Variants in PTN observed in about 807,000 individuals in gnomAD.
The protein encoded by PTN is pleiotrophin.
Under a neutral mutation model 24.1 loss-of-function variants are expected in PTN, and 18 were observed. That is an observed-to-expected ratio of 0.75 (90% CI 0.52 to 1.11). The LOEUF (loss-of-function observed/expected upper bound fraction) is 1.11. Among genes scored for constraint, PTN ranks in the 50% least tolerant of loss-of-function variants. The pLI is 0.00. For missense variants in PTN, 163 were observed against 198.8 expected (o/e 0.82, Z 1.08); for synonymous variants, 78 against 68.6 (o/e 1.14, Z -0.67).
intron 1 of PTN, among the ~76,000 whole-genome samples, chr7:137,256,288 T>C (rs923886944): frequency 1.3e-5 from 2 of 152,186 alleles, no homozygotes; most frequent in African/African-American, 4.8e-5. Context: ...GCTGCACTTA[T>C]TGACTGGTCC....
chr7:137,284,019 T>C (rs937026753), intron 1 of PTN, among the ~76,000 whole-genome samples: 5 of 123,706 alleles, frequency 4.0e-5, no homozygotes, highest in Admixed American at 1.1e-4. Context: ...CAGGCTGGAG[T>C]GCAGTGGCGA....
intron 4 of PTN, among the ~76,000 whole-genome samples, chr7:137,240,398 C>G (rs1001446738): frequency 6.6e-6 from 1 of 152,204 alleles, no homozygotes; most frequent in African/African-American, 2.4e-5. Flanking sequence ...ATTTGCCACT[C>G]TATGTGGTAC....
chr7:137,333,990 T>G (rs567439067), intron 1 of PTN, among the ~76,000 whole-genome samples: 3 of 152,198 alleles, frequency 2.0e-5, no homozygotes. Flanking sequence ...GCTAGCCATA[T>G]GTAGAAAGCT....
intron 1 of PTN, among the ~76,000 whole-genome samples, chr7:137,304,655 G>GA (rs1452666899): frequency 5.3e-5 from 8 of 152,048 alleles, no homozygotes; most frequent in South Asian, 4.2e-4. Flanking sequence ...CTCAGAAGAT[G>GA]AAAAGCAGCA....
chr7:137,311,237 A>G (rs999293612), intron 1 of PTN, among the ~76,000 whole-genome samples: 10 of 151,506 alleles, frequency 6.6e-5, no homozygotes, highest in African/African-American at 2.2e-4. Flanking sequence ...ATTTCAAAAA[A>G]AAAAAAAAAA....
At chr7:137,317,126 A>T (rs920215119) in intron 1 of PTN, among the ~76,000 whole-genome samples, 1 of 152,150 alleles carries the variant, frequency 6.6e-6, no homozygotes, top group Non-Finnish European at 1.5e-5. Flanking sequence ...TGTGTTTGTG[A>T]ATCTGTCACT....
chr7:137,267,725 C>T (rs1809182302), intron 1 of PTN, among the ~76,000 whole-genome samples: 1 of 152,124 alleles, frequency 6.6e-6, no homozygotes, highest in Non-Finnish European at 1.5e-5. Context: ...CACTACAAAA[C>T]AAAGAACGGG....
At chr7:137,252,205 CTA>C (rs1808839673) in intron 3 of PTN, among the ~76,000 whole-genome samples, 1 of 151,898 alleles carries the variant, frequency 6.6e-6, no homozygotes, top group South Asian at 2.1e-4. Context: ...CGTCTTGTCA[CTA>C]TTTTTTATTC....
At chr7:137,300,732 C>T (rs1809793598) in intron 1 of PTN, among the ~76,000 whole-genome samples, 1 of 151,918 alleles carries the variant, frequency 6.6e-6, no homozygotes, top group South Asian at 2.1e-4. Context: ...AACACAAAGG[C>T]ATATCTTCGT....
chr7:137,231,961 A>G (rs1808433839), intron 4 of PTN, among the ~76,000 whole-genome samples: 1 of 151,920 alleles, frequency 6.6e-6, no homozygotes, highest in Non-Finnish European at 1.5e-5. Flanking sequence ...ATTAGCCTGG[A>G]GCAGGGCTAT....
At chr7:137,298,824 G>T (rs1198974249) in intron 1 of PTN, among the ~76,000 whole-genome samples, 1 of 151,926 alleles carries the variant, frequency 6.6e-6, no homozygotes, top group Non-Finnish European at 1.5e-5. Context: ...TGCGAGCAAA[G>T]AAATGGAGCA....
rs78466173 is a variant in PTN at position 137,311,684 on chromosome 7, T to G, written c.-2+31755A>C. 8.4e-3 allele frequency among the ~76,000 whole-genome samples: 1,285 copies of G among 152,288 alleles called. 18 individuals carry two copies. The highest frequency in any genetic ancestry group is 0.034 in the Middle Eastern group (10 of 294). ...GAGGAAGAGAGACAGGGAAATGACCTATCAATGGAATAGTCAGAACACACA... is the reference window on the plus strand; with the variant it reads ...GAGGAAGAGAGACAGGGAAATGACCGATCAATGGAATAGTCAGAACACACA... On this transcript the variant is annotated intron_variant, in intron 1 of 4. Coordinates refer to ENST00000348225, the MANE Select transcript of PTN (RefSeq NM_002825.7).
At chr7:137,236,805 T>C (rs971591181) in intron 4 of PTN, among the ~76,000 whole-genome samples, 1 of 152,160 alleles carries the variant, frequency 6.6e-6, no homozygotes, top group Non-Finnish European at 1.5e-5. Flanking sequence ...TGTAGTATTA[T>C]AAACAGTAAT....
At position 137,303,467 on chromosome 7, in the gene PTN, G is replaced by T. The variant is rs377181628; in HGVS notation, c.-2+39972C>A. On this transcript the variant is annotated intron_variant, in intron 1 of 4. Coordinates refer to ENST00000348225, the MANE Select transcript of PTN (RefSeq NM_002825.7). Reference sequence around the variant, plus strand: ...CTCTCAATTTGCATTAAGATTATTTGATATAAACCAAGTACTATCCTAGCA... The same window carrying T: ...CTCTCAATTTGCATTAAGATTATTTTATATAAACCAAGTACTATCCTAGCA... Among the ~76,000 whole-genome samples, 13 of 151,872 alleles carry T rather than the reference G, an allele frequency of 8.6e-5. No individual in the cohort carries two copies. The South Asian group carries it at 1.7e-3, about 19-fold the overall frequency.
At position 137,265,365 on chromosome 7, in the gene PTN, C is replaced by T. The variant is rs561911935; in HGVS notation, c.-1-10391G>A. On this transcript the variant is annotated intron_variant, in intron 1 of 4. Coordinates refer to ENST00000348225, the MANE Select transcript of PTN (RefSeq NM_002825.7). ...AAGTATAAGTGCCACTCCAGTTATT[C>T]GGCAGAGTGCCCAGTAAAGGTCCAC... is the stretch of plus-strand genomic sequence containing the variant. Among the ~76,000 whole-genome samples the T allele has an allele frequency of 6.0e-4, 91 of 152,200 alleles. 1 individual carries two copies. The highest frequency in any genetic ancestry group is 2.1e-3 in the African/African-American group (89 of 41,540).
At chr7:137,333,237 T>C (rs985517383) in intron 1 of PTN, among the ~76,000 whole-genome samples, 1 of 152,178 alleles carries the variant, frequency 6.6e-6, no homozygotes. Context: ...CATGAGTGGA[T>C]GCCATCTGAG....
chr7:137,270,788 G>C (rs1172410569), intron 1 of PTN, among the ~76,000 whole-genome samples: 2 of 152,138 alleles, frequency 1.3e-5, no homozygotes, highest in East Asian at 3.8e-4. Flanking sequence ...TCTGATTGTG[G>C]AAAATTTGTG....
intron 4 of PTN, among the ~76,000 whole-genome samples, chr7:137,236,483 C>T (rs1259523774): frequency 6.6e-6 from 1 of 152,072 alleles, no homozygotes; most frequent in African/African-American, 2.4e-5. Flanking sequence ...GACACACATA[C>T]ACATACACAG....
intron 1 of PTN, among the ~76,000 whole-genome samples, chr7:137,341,049 A>C (rs1810525740): frequency 6.6e-6 from 1 of 152,242 alleles, no homozygotes; most frequent in Non-Finnish European, 1.5e-5. Context: ...ATTTTGTGGG[A>C]AATTTTTGAA....
Sources: allele counts gnomAD v4.1 joint callset (sites outside exome capture counted in the v4.1 genomes callset), GRCh38; gene constraint gnomAD v4.1.1; transcripts MANE v1.5; gene names NCBI Gene and HGNC (gene_info 2026-07-23, HGNC 2026-07-21).